Variants in SPINT2 observed in about 807,000 individuals in gnomAD.
SPINT2 encodes the protein serine peptidase inhibitor, Kunitz type 2, also known as kunitz-type protease inhibitor 2.
SPINT2 carries 18 observed loss-of-function variants against 30.1 expected under a neutral mutation model. The observed-to-expected ratio is 0.60, with a 90% confidence interval of 0.41 to 0.89. The LOEUF (loss-of-function observed/expected upper bound fraction) is 0.89, where lower values mean the gene tolerates loss of function less well. Among genes scored for constraint, SPINT2 ranks in the 40% least tolerant of loss-of-function variants. The pLI, the probability that SPINT2 is intolerant of heterozygous loss-of-function variation, is 0.00. For missense variants in SPINT2, 276 were observed against 334.3 expected, an observed-to-expected ratio of 0.83 and a Z score of 1.36; for synonymous variants, 139 against 137.9, an observed-to-expected ratio of 1.01 and a Z score of -0.05.
intron 1 of SPINT2, among the ~76,000 whole-genome samples, chr19:38,267,646 A>T (rs1968395461): frequency 8.5e-6 from 1 of 117,224 alleles, no homozygotes; most frequent in Non-Finnish European, 1.8e-5. Context: ...CCCTGAGAGG[A>T]AGCGGGGGGG....
At chr19:38,265,052 GGT>G in intron 1 of SPINT2, 54 bp downstream of exon 1, 1 of 1,416,956 alleles carries the variant, frequency 7.1e-7, no homozygotes, top group Non-Finnish European at 9.5e-7. Context: ...GAGGCTCGGG[GGT>G]CAACGGGGGT....
At chr19:38,268,380 C>T (rs1968405994) in intron 1 of SPINT2, among the ~76,000 whole-genome samples, 1 of 152,094 alleles carries the variant, frequency 6.6e-6, no homozygotes, top group African/African-American at 2.4e-5. Flanking sequence ...ATAAACTGTC[C>T]ACTCCCAGGA....
At chr19:38,269,432 G>C (rs1027531901) in intron 1 of SPINT2, among the ~76,000 whole-genome samples, 1 of 118,636 alleles carries the variant, frequency 8.4e-6, no homozygotes, top group African/African-American at 3.4e-5. Flanking sequence ...TTGAGACAGA[G>C]TCTTGCTGTG....
chr19:38,284,653 A>G (rs1968620970), intron 2 of SPINT2, among the ~76,000 whole-genome samples: 1 of 152,214 alleles, frequency 6.6e-6, no homozygotes, highest in South Asian at 2.1e-4. Context: ...TGCAAGTTTC[A>G]GAGCAGACCA....
chr19:38,283,935 G>A (rs1465608916), intron 2 of SPINT2, 138 bp downstream of exon 2: 19 of 1,013,296 alleles, frequency 1.9e-5, no homozygotes, highest in African/African-American at 5.2e-5. Context: ...TCCGCCTCCC[G>A]GGTTCACGCC....
intron 2 of SPINT2, among the ~76,000 whole-genome samples, chr19:38,285,701 A>G (rs115925803): frequency 8.7e-4 from 132 of 152,300 alleles, no homozygotes; most frequent in African/African-American, 2.7e-3. Flanking sequence ...AAAATAAATA[A>G]AAATATTTTC....
In SPINT2 at chr19:38,274,926, C is replaced by CTT. The variant is rs200385866; in HGVS notation, c.107-8700_107-8699dup. On this transcript the variant is annotated intron_variant, in intron 1 of 6. Transcript: ENST00000301244. ...GCAGCCAGGGAGCTTGTGAAGGCTT[C>CTT]TTGTCCACGGAAATGAGGGCGGCAG... 5.1e-3 allele frequency among the ~76,000 whole-genome samples: 782 copies of CTT among 152,198 alleles called. 3 individuals are homozygous for CTT. Among genetic ancestry groups the CTT allele is most frequent in the Non-Finnish European group, 8.0e-3 (543 of 68,028 alleles).
At chr19:38,276,888 C>T (rs1056335225) in intron 1 of SPINT2, among the ~76,000 whole-genome samples, 1 of 151,848 alleles carries the variant, frequency 6.6e-6, no homozygotes, top group African/African-American at 2.4e-5. Context: ...GCAACCTCCA[C>T]CTCTTGGGTT....
intron 2 of SPINT2, among the ~76,000 whole-genome samples, chr19:38,285,220 C>T (rs1600347203): frequency 6.6e-6 from 1 of 152,198 alleles, no homozygotes; most frequent in East Asian, 1.9e-4. Context: ...GCAGCGTGCC[C>T]TGGCTCTTAG....
Position 38,279,947 on chromosome 19 carries a change from C to G in SPINT2, c.107-3680C>G, listed in dbSNP as rs56100528. 8.4e-3 allele frequency among the ~76,000 whole-genome samples: 1,281 copies of G among 152,330 alleles called. 8 individuals carry two copies. Among genetic ancestry groups the G allele is most frequent in the Non-Finnish European group, 0.014 (961 of 68,040 alleles). ...GGGATTACAGGCGTGAGCCACCATG[C>G]CTGACCATAAAGACATGTTTCTAAA... On this transcript the variant is annotated intron_variant, in intron 1 of 6. Transcript: ENST00000301244.
chr19:38,277,461 A>C (rs932780341), intron 1 of SPINT2, among the ~76,000 whole-genome samples: 1 of 152,026 alleles, frequency 6.6e-6, no homozygotes, highest in Non-Finnish European at 1.5e-5. Flanking sequence ...CAGCCTCCCA[A>C]AGTGCTGGGA....
chr19:38,273,875 A>G (rs1467532713), intron 1 of SPINT2, among the ~76,000 whole-genome samples: 1 of 152,096 alleles, frequency 6.6e-6, no homozygotes, highest in African/African-American at 2.4e-5. Flanking sequence ...GACTGTCCCT[A>G]TATTAGTCCT....
intron 2 of SPINT2, among the ~76,000 whole-genome samples, chr19:38,286,112 T>G (rs554043597): frequency 6.6e-6 from 1 of 152,098 alleles, no homozygotes; most frequent in African/African-American, 2.4e-5. Context: ...GGCGCTCCCA[T>G]GTGAGTCTGT....
In SPINT2 at chr19:38,292,410, T is replaced by A; in HGVS notation, c.*404T>A. 1 of 172,730 alleles carries A rather than the reference T, an allele frequency of 5.8e-6. No homozygotes were observed. Among genetic ancestry groups the A allele is most frequent in the Admixed American group, 5.6e-5 (1 of 17,710 alleles). The allele number at this position is 172,730 out of a possible 1,614,324, so 10.7% of individuals were successfully genotyped here. A position where few individuals can be genotyped will look rare whatever the true frequency, so the allele number is the denominator to read the frequency against. ...GCATTCTGAAAGAAGGAAAGTAAAA[T>A]GTACAAGTTTAATAAAAAGGGGCCT... is the stretch of plus-strand genomic sequence containing the variant. On this transcript the variant is annotated 3_prime_UTR_variant, in exon 7 of 7. Transcript: ENST00000301244.
Position 38,264,967 on chromosome 19 carries a change from C to G in SPINT2, c.75C>G (p.Val25=). 1 of 1,535,354 alleles carries G rather than the reference C, an allele frequency of 6.5e-7. No homozygotes were observed. Among genetic ancestry groups the G allele is most frequent in the Non-Finnish European group, 8.7e-7 (1 of 1,145,090 alleles). The part of the protein sequence containing the change: ...ALLGSLLLSG[V]LAADRERSIH... ...TGGGATCGCTGCTCCTCTCTGGGGT[C>G]CTGGCGGCCGACCGAGAACGCAGCA... Residue 25 remains valine (V), a synonymous_variant, in exon 1 of 7, where the codon GTC becomes GTG. Coordinates refer to ENST00000301244, the MANE Select transcript of SPINT2 (RefSeq NM_021102.4).
chr19:38,269,259 G>A (rs1387901872), intron 1 of SPINT2, among the ~76,000 whole-genome samples: 4 of 151,520 alleles, frequency 2.6e-5, no homozygotes, highest in East Asian at 3.9e-4. Flanking sequence ...CACCACGCCC[G>A]GCTAATTTTT....
intron 2 of SPINT2, among the ~76,000 whole-genome samples, chr19:38,287,076 GTC>G: frequency 6.6e-6 from 1 of 152,138 alleles, no homozygotes; most frequent in Non-Finnish European, 1.5e-5. Flanking sequence ...GAGTGCAATG[GTC>G]AATGGTGTGA....
At chr19:38,281,291 G>C (rs1968578939) in intron 1 of SPINT2, among the ~76,000 whole-genome samples, 1 of 152,052 alleles carries the variant, frequency 6.6e-6, no homozygotes, top group Non-Finnish European at 1.5e-5. Flanking sequence ...TTTTCTGCTT[G>C]TAGTCCCAGC....
intron 1 of SPINT2, among the ~76,000 whole-genome samples, chr19:38,275,025 A>T (rs1323662137): frequency 2.6e-5 from 4 of 152,096 alleles, no homozygotes. Context: ...CTCTGCGAGC[A>T]ATTTTGTGAC....
Sources: allele counts gnomAD v4.1 joint callset (sites outside exome capture counted in the v4.1 genomes callset), GRCh38; gene constraint gnomAD v4.1.1; transcripts MANE v1.5; gene names NCBI Gene and HGNC (gene_info 2026-07-23, HGNC 2026-07-21).